Variants in TTC9 observed in about 807,000 individuals in gnomAD.
TTC9 encodes the protein tetratricopeptide repeat protein 9A.
A neutral mutation model predicts 22.9 loss-of-function variants in TTC9; 13 were observed. The ratio of observed to expected loss-of-function variants is 0.57; its 90% CI spans 0.37 to 0.90. The LOEUF (loss-of-function observed/expected upper bound fraction) is 0.90. Ranked by LOEUF, TTC9 falls within the 40% of genes least tolerant of loss-of-function variation. TTC9 has a pLI of 0.01. For missense variants in TTC9, 280 were observed against 291.8 expected, an observed-to-expected ratio of 0.96 and a Z score of 0.29; for synonymous variants, 148 against 133.2, an observed-to-expected ratio of 1.11 and a Z score of -0.77.
intron 1 of TTC9, among the ~76,000 whole-genome samples, chr14:70,663,447 T>C (rs1385696887): frequency 6.6e-6 from 1 of 152,186 alleles, no homozygotes; most frequent in Non-Finnish European, 1.5e-5. Context: ...CCTGCAAGGC[T>C]CAAGACATCC....
chr14:70,653,205 G>A (rs1386379966), intron 1 of TTC9, among the ~76,000 whole-genome samples: 1 of 152,194 alleles, frequency 6.6e-6, no homozygotes, highest in African/African-American at 2.4e-5. Flanking sequence ...GTTAATATTT[G>A]AATCTAACTC....
intron 1 of TTC9, among the ~76,000 whole-genome samples, chr14:70,664,209 G>A (rs1200151926): frequency 6.6e-6 from 1 of 151,922 alleles, no homozygotes; most frequent in Non-Finnish European, 1.5e-5. Flanking sequence ...TGGCTACAGG[G>A]ATGGGGAAGG....
intron 1 of TTC9, among the ~76,000 whole-genome samples, chr14:70,644,432 C>T (rs1177474446): frequency 6.6e-6 from 1 of 152,210 alleles, no homozygotes; most frequent in African/African-American, 2.4e-5. Context: ...TGTTAGGCAT[C>T]CTCCATACAT....
Position 70,659,756 on chromosome 14 carries a change from A to G in TTC9, c.407-7808A>G, listed in dbSNP as rs542075579. ...TGCCTCAAATATGTCTAATGAAGGA[A>G]TTGAGTTAGAATCATTACAGGCAGG... is the stretch of plus-strand genomic sequence containing the variant. On this transcript the variant is annotated intron_variant, in intron 1 of 2. Transcript: ENST00000256367. Among the ~76,000 whole-genome samples the G allele has an allele frequency of 4.8e-4, 73 of 152,268 alleles. 1 individual carries two copies. The highest frequency in any genetic ancestry group is 1.6e-3 in the African/African-American group (68 of 41,558).
intron 1 of TTC9, among the ~76,000 whole-genome samples, chr14:70,647,015 TTCTC>T (rs888637694): frequency 7.2e-5 from 11 of 152,228 alleles, no homozygotes; most frequent in African/African-American, 2.2e-4. Context: ...CTTTCTTTTG[TTCTC>T]TCTTTCTCTT....
chr14:70,654,587 C>T (rs1225029200), intron 1 of TTC9, among the ~76,000 whole-genome samples: 1 of 57,166 alleles, frequency 1.7e-5, no homozygotes. Flanking sequence ...GGCTCTGTCT[C>T]AAAAAAAAAA....
chr14:70,650,847 AAG>A (rs1885974406), intron 1 of TTC9, among the ~76,000 whole-genome samples: 1 of 152,224 alleles, frequency 6.6e-6, no homozygotes, highest in Non-Finnish European at 1.5e-5. Context: ...GAATTTTAAT[AAG>A]AGAATAAACA....
At chr14:70,649,875 G>A (rs1233872440) in intron 1 of TTC9, among the ~76,000 whole-genome samples, 1 of 152,180 alleles carries the variant, frequency 6.6e-6, no homozygotes, top group Non-Finnish European at 1.5e-5. Flanking sequence ...AGGGGAAAGT[G>A]TCCTGTGTTC....
intron 1 of TTC9, among the ~76,000 whole-genome samples, chr14:70,666,280 A>G (rs993951043): frequency 6.6e-6 from 1 of 152,186 alleles, no homozygotes; most frequent in African/African-American, 2.4e-5. Flanking sequence ...GGTTTACTCA[A>G]AGATGGCTGT....
At chr14:70,643,593 CAGTT>C (rs1201660657) in intron 1 of TTC9, among the ~76,000 whole-genome samples, 1 of 152,164 alleles carries the variant, frequency 6.6e-6, no homozygotes, top group Non-Finnish European at 1.5e-5. Context: ...TGTCTATGGA[CAGTT>C]AGAGCAGGGT....
chr14:70,658,461 A>G (rs1886096615), intron 1 of TTC9, among the ~76,000 whole-genome samples: 1 of 152,250 alleles, frequency 6.6e-6, no homozygotes, highest in African/African-American at 2.4e-5. Context: ...GTAAAACTAA[A>G]GGGCACATTT....
intron 1 of TTC9, among the ~76,000 whole-genome samples, chr14:70,648,824 G>A (rs1441856978): frequency 2.0e-5 from 3 of 152,082 alleles, no homozygotes; most frequent in African/African-American, 4.8e-5. Flanking sequence ...GGTCTAGCTC[G>A]GACAATGGTA....
chr14:70,654,733 A>T (rs891703310), intron 1 of TTC9, among the ~76,000 whole-genome samples: 9 of 152,150 alleles, frequency 5.9e-5, no homozygotes, highest in Non-Finnish European at 1.3e-4. Context: ...ATGACTCGTG[A>T]ATCGGGCAGC....
At position 70,642,381 on chromosome 14, in the gene TTC9, G is replaced by A; in HGVS notation, c.252G>A (p.Leu84=). 2 of 1,605,254 alleles carry A rather than the reference G, an allele frequency of 1.2e-6. No homozygotes were observed. The highest frequency in any genetic ancestry group is 1.1e-5 in the South Asian group (1 of 89,508). ...REAIGKYHRA[L]LELKGLLPPP... Reference sequence around the variant, plus strand: ...CCATAGGCAAATACCACCGGGCGTTGCTGGAGCTGAAGGGGCTGCTGCCGC... The same window carrying A: ...CCATAGGCAAATACCACCGGGCGTTACTGGAGCTGAAGGGGCTGCTGCCGC... Residue 84 remains leucine, a synonymous_variant, in exon 1 of 3, where the codon TTG becomes TTA. Coordinates refer to ENST00000256367, the MANE Select transcript of TTC9 (RefSeq NM_015351.2).
At chr14:70,660,239 C>A (rs1189846161) in intron 1 of TTC9, among the ~76,000 whole-genome samples, 1 of 152,234 alleles carries the variant, frequency 6.6e-6, no homozygotes, top group African/African-American at 2.4e-5. Context: ...GACAGCGTAA[C>A]AGAGAACAAT....
At chr14:70,669,908 T>C (rs1401291301) in intron 2 of TTC9, among the ~76,000 whole-genome samples, 1 of 152,158 alleles carries the variant, frequency 6.6e-6, no homozygotes, top group African/African-American at 2.4e-5. Context: ...TATGTTATGG[T>C]GTGTGTGGAA....
intron 1 of TTC9, among the ~76,000 whole-genome samples, chr14:70,655,689 C>G (rs974366446): frequency 6.6e-6 from 1 of 152,168 alleles, no homozygotes; most frequent in Non-Finnish European, 1.5e-5. Flanking sequence ...TGCATGACAA[C>G]CAAGGGGCCA....
chr14:70,668,037 T>A (rs1886238712), intron 2 of TTC9, among the ~76,000 whole-genome samples: 1 of 152,174 alleles, frequency 6.6e-6, no homozygotes, highest in Admixed American at 6.5e-5. Context: ...TATATATATA[T>A]TGAATTCATA....
intron 1 of TTC9, among the ~76,000 whole-genome samples, chr14:70,659,005 A>G (rs1275754045): frequency 2.0e-5 from 3 of 152,226 alleles, no homozygotes; most frequent in Non-Finnish European, 4.4e-5. Flanking sequence ...TTTCAAAATG[A>G]CAAAATTTTA....
Sources: gnomAD v4.1 joint callset for allele counts (sites outside exome capture counted in the v4.1 genomes callset) on GRCh38, gnomAD v4.1.1 for gene constraint, MANE v1.5 for transcripts, NCBI Gene and HGNC (gene_info 2026-07-23, HGNC 2026-07-21) for gene names.